Variants in AGBL4 observed in about 807,000 individuals in gnomAD.
AGBL4 encodes cytosolic carboxypeptidase 6.
AGBL4 carries 58 observed loss-of-function variants against 66.4 expected under a neutral mutation model. The observed-to-expected ratio is 0.87, with a 90% CI of 0.71 to 1.09. The LOEUF (loss-of-function observed/expected upper bound fraction) is 1.09. AGBL4 is among the 50% of genes least tolerant of loss of function. AGBL4 has a pLI of 0.00. For missense variants in AGBL4, 579 were observed against 631.0 expected (o/e 0.92, Z 0.88); for synonymous variants, 234 against 222.9 (o/e 1.05, Z -0.44).
intron 3 of AGBL4, among the ~76,000 whole-genome samples, chr1:49,290,874 G>A (rs1376507939): frequency 1.3e-5 from 2 of 152,196 alleles, no homozygotes; most frequent in Non-Finnish European, 2.9e-5. Context: ...GCCAAGCATA[G>A]TAGCACATGC....
chr1:49,268,802 A>G (rs543740339), intron 3 of AGBL4, among the ~76,000 whole-genome samples: 1 of 152,288 alleles, frequency 6.6e-6, no homozygotes, highest in Admixed American at 6.5e-5. Flanking sequence ...GAGACATTTA[A>G]TGGTAGTCTA....
At chr1:48,737,278 C>T (rs1296176222) in intron 6 of AGBL4, among the ~76,000 whole-genome samples, 2 of 151,546 alleles carry the variant, frequency 1.3e-5, no homozygotes, top group Non-Finnish European at 1.5e-5. Flanking sequence ...AGCGAGACTC[C>T]GTCTCAAAAA....
At chr1:49,508,169 G>A (rs1439293397) in intron 3 of AGBL4, among the ~76,000 whole-genome samples, 3 of 151,970 alleles carry the variant, frequency 2.0e-5, no homozygotes, top group Admixed American at 2.0e-4. Context: ...CAAATAGACT[G>A]TAAAGTTAAG....
chr1:48,523,895 C>T, the AGBL4 span, among the ~76,000 whole-genome samples: 5 of 152,140 alleles, frequency 3.3e-5, no homozygotes, highest in East Asian at 1.9e-4. Flanking sequence ...GCTACAAACC[C>T]GTCAAGTATG....
intron 4 of AGBL4, among the ~76,000 whole-genome samples, chr1:49,123,583 G>T (rs1309092784): frequency 6.6e-6 from 1 of 152,168 alleles, no homozygotes; most frequent in African/African-American, 2.4e-5. Flanking sequence ...ATTGAGAGCT[G>T]GTATAAGAAA....
intron 3 of AGBL4, among the ~76,000 whole-genome samples, chr1:49,644,007 G>A (rs930483221): frequency 6.6e-6 from 1 of 151,550 alleles, no homozygotes; most frequent in Non-Finnish European, 1.5e-5. Context: ...AAGCATTGCA[G>A]AGCCTATAAC....
At chr1:49,683,223 A>G (rs1043386541) in intron 3 of AGBL4, among the ~76,000 whole-genome samples, 5 of 152,170 alleles carry the variant, frequency 3.3e-5, no homozygotes, top group African/African-American at 1.2e-4. Flanking sequence ...TCAGCCTGGG[A>G]AGAAAATCTC....
At chr1:49,884,786 T>A (rs1262328754) in intron 1 of AGBL4, among the ~76,000 whole-genome samples, 3 of 151,854 alleles carry the variant, frequency 2.0e-5, no homozygotes, top group Non-Finnish European at 2.9e-5. Flanking sequence ...TAAAAAATAA[T>A]GTATGAATAA....
chr1:49,011,630 C>G (rs1662423068), intron 5 of AGBL4, among the ~76,000 whole-genome samples: 1 of 151,704 alleles, frequency 6.6e-6, no homozygotes, highest in Non-Finnish European at 1.5e-5. Context: ...TGGAACCAAC[C>G]CAAATGTCCA....
intron 6 of AGBL4, among the ~76,000 whole-genome samples, chr1:48,841,410 C>T (rs369059223): frequency 2.2e-5 from 3 of 137,118 alleles, no homozygotes; most frequent in Non-Finnish European, 3.1e-5. Context: ...ACCCCCCCCC[C>T]CCAAAAAAAA....
intron 3 of AGBL4, among the ~76,000 whole-genome samples, chr1:49,301,589 T>C (rs1644745759): frequency 6.6e-6 from 1 of 152,190 alleles, no homozygotes; most frequent in South Asian, 2.1e-4. Flanking sequence ...TGCTAAGGTA[T>C]AGGAATAATT....
chr1:48,793,479 C>T (rs950619727), intron 6 of AGBL4, among the ~76,000 whole-genome samples: 2 of 152,194 alleles, frequency 1.3e-5, no homozygotes, highest in African/African-American at 4.8e-5. Flanking sequence ...CTCTCTAAGT[C>T]CAGCCCCTTT....
intron 4 of AGBL4, among the ~76,000 whole-genome samples, chr1:49,080,220 A>G (rs1193199395): frequency 1.3e-5 from 2 of 152,212 alleles, no homozygotes; most frequent in Non-Finnish European, 2.9e-5. Context: ...AGGAAACTAG[A>G]TGGCTCACAC....
At chr1:48,674,187 C>A (rs548318528) in intron 6 of AGBL4, among the ~76,000 whole-genome samples, 5 of 152,336 alleles carry the variant, frequency 3.3e-5, no homozygotes, top group African/African-American at 4.8e-5. Context: ...TCCTTGGGGG[C>A]ATTAGCTCCA....
At chr1:49,865,342 T>C (rs1391900727) in intron 1 of AGBL4, among the ~76,000 whole-genome samples, 1 of 152,068 alleles carries the variant, frequency 6.6e-6, no homozygotes, top group African/African-American at 2.4e-5. Context: ...TACAGGAATA[T>C]TCCCTCTGGC....
chr1:49,052,664 G>C (rs1396753355), intron 4 of AGBL4, among the ~76,000 whole-genome samples: 1 of 152,140 alleles, frequency 6.6e-6, no homozygotes, highest in Non-Finnish European at 1.5e-5. Context: ...TTGCACTGAA[G>C]TTTTGTATCC....
chr1:49,893,301 T>G (rs1283026066), intron 1 of AGBL4, among the ~76,000 whole-genome samples: 2 of 152,164 alleles, frequency 1.3e-5, no homozygotes, highest in African/African-American at 4.8e-5. Flanking sequence ...CTCCACCGAT[T>G]GTTCTCTCCA....
At chr1:49,479,690 CTTTTCTTT>C (rs1334997232) in intron 3 of AGBL4, among the ~76,000 whole-genome samples, 2 of 149,160 alleles carry the variant, frequency 1.3e-5, no homozygotes, top group East Asian at 2.0e-4. Flanking sequence ...ACCACATTTT[CTTTTCTTT>C]TTTTCTTTTT....
intron 5 of AGBL4, among the ~76,000 whole-genome samples, chr1:49,025,040 T>G (rs1557571941): frequency 6.6e-6 from 1 of 152,186 alleles, no homozygotes; most frequent in African/African-American, 2.4e-5. Context: ...AGAGTTTGAG[T>G]AACTGGCCCA....
Sources: allele counts gnomAD v4.1 joint callset (sites outside exome capture counted in the v4.1 genomes callset), GRCh38; gene constraint gnomAD v4.1.1; transcripts MANE v1.5; gene names NCBI Gene and HGNC (gene_info 2026-07-23, HGNC 2026-07-21).